The following LDLRAD4 variants were observed in gnomAD, a reference collection of about 807,000 sequenced individuals.
The protein encoded by LDLRAD4 is low-density lipoprotein receptor class A domain-containing protein 4.
LDLRAD4 carries 5 observed loss-of-function variants against 17.0 expected under a neutral mutation model. The ratio of observed to expected loss-of-function variants is 0.29; its 90% CI spans 0.15 to 0.62. The LOEUF (loss-of-function observed/expected upper bound fraction) is 0.62, where lower values mean the gene tolerates loss of function less well. LDLRAD4 is among the 20% of genes least tolerant of loss of function. The pLI, the probability that LDLRAD4 is intolerant of heterozygous loss-of-function variation, is 0.84. For missense variants in LDLRAD4, 340 were observed against 424.7 expected, an observed-to-expected ratio of 0.80 and a Z score of 1.75; for synonymous variants, 168 against 171.8, an observed-to-expected ratio of 0.98 and a Z score of 0.17.
intron 3 of LDLRAD4, among the ~76,000 whole-genome samples, chr18:13,478,993 C>A (rs1430383921): frequency 6.6e-6 from 1 of 152,104 alleles, no homozygotes; most frequent in Non-Finnish European, 1.5e-5. Flanking sequence ...TGAATCTTGA[C>A]AAAGAAGTAA....
chr18:13,333,716 T>G (rs1456263385), intron 1 of LDLRAD4, among the ~76,000 whole-genome samples: 1 of 152,232 alleles, frequency 6.6e-6, no homozygotes. Context: ...ATTGACTATT[T>G]TTATATCAGT....
Position 13,652,175 on chromosome 18 carries a change from A to G in LDLRAD4, c.*6518A>G, listed in dbSNP as rs548098588. 2.0e-5 allele frequency: 3 copies of G among 152,318 alleles called. No homozygotes were observed. In the East Asian group the frequency reaches 5.8e-4, roughly 29 times the overall value. 9.4% of individuals were successfully genotyped at this position (152,318 alleles called of 1,614,324 possible). On this transcript the variant is annotated 3_prime_UTR_variant, in exon 6 of 6. Transcript: ENST00000359446. Reference sequence around the variant, plus strand: ...ACTGTTGAGCATGAGAATGTTCTAGACTCAGAGGTACTAAAATTTGTTACC... The same window carrying G: ...ACTGTTGAGCATGAGAATGTTCTAGGCTCAGAGGTACTAAAATTTGTTACC...
At chr18:13,396,348 A>G (rs944672708) in intron 2 of LDLRAD4, among the ~76,000 whole-genome samples, 16 of 152,260 alleles carry the variant, frequency 1.1e-4, no homozygotes, top group African/African-American at 3.9e-4. Flanking sequence ...CAAGTCCCTG[A>G]TATAAAATGA....
At chr18:13,413,861 T>G (rs1371808355) in intron 2 of LDLRAD4, among the ~76,000 whole-genome samples, 2 of 151,124 alleles carry the variant, frequency 1.3e-5, no homozygotes, top group Non-Finnish European at 2.9e-5. Context: ...AGCCCAGGAG[T>G]AGGAGTGCAG....
intron 3 of LDLRAD4, among the ~76,000 whole-genome samples, chr18:13,517,455 G>A (rs2093884510): frequency 6.6e-6 from 1 of 152,182 alleles, no homozygotes; most frequent in African/African-American, 2.4e-5. Context: ...GAGCTTCCTG[G>A]TTGCCCATGG....
At chr18:13,294,264 G>C (rs59204123) in intron 1 of LDLRAD4, among the ~76,000 whole-genome samples, 3 of 152,366 alleles carry the variant, frequency 2.0e-5, no homozygotes, top group East Asian at 3.9e-4. Flanking sequence ...TGAAAGGGCT[G>C]AAGGTGGTCC....
chr18:13,589,052 C>T (rs971126849), intron 3 of LDLRAD4, among the ~76,000 whole-genome samples: 5 of 151,864 alleles, frequency 3.3e-5, no homozygotes, highest in Non-Finnish European at 7.4e-5. Flanking sequence ...CCTCAGCCTC[C>T]CGAGTAGCTG....
intron 1 of LDLRAD4, among the ~76,000 whole-genome samples, chr18:13,322,544 C>T (rs1223322431): frequency 1.3e-5 from 2 of 152,104 alleles, no homozygotes; most frequent in African/African-American, 4.8e-5. Context: ...AGGTGATCCA[C>T]CTGCCTCAGC....
chr18:13,361,245 G>A (rs2083650303), intron 1 of LDLRAD4, among the ~76,000 whole-genome samples: 1 of 152,008 alleles, frequency 6.6e-6, no homozygotes, highest in South Asian at 2.1e-4. Flanking sequence ...CTAATTTTTT[G>A]TTTTTGTATT....
chr18:13,555,083 T>C (rs1256201043), intron 3 of LDLRAD4, among the ~76,000 whole-genome samples: 4 of 152,162 alleles, frequency 2.6e-5, no homozygotes, highest in African/African-American at 9.7e-5. Context: ...TACCTGATTG[T>C]TATTCCTCAA....
chr18:13,333,661 ACT>A (rs1328733512), intron 1 of LDLRAD4, among the ~76,000 whole-genome samples: 1 of 152,210 alleles, frequency 6.6e-6, no homozygotes, highest in East Asian at 1.9e-4. Context: ...TGTTGAAAAT[ACT>A]GTCTGCTCCA....
At chr18:13,240,509 G>A (rs1158912853) in intron 1 of LDLRAD4, 1 of 152,320 alleles carries the variant, frequency 6.6e-6, no homozygotes, top group Non-Finnish European at 1.5e-5. Context: ...GTCAGCACCT[G>A]GGCTAGAGGT....
chr18:13,553,110 A>G (rs1284413), intron 3 of LDLRAD4, among the ~76,000 whole-genome samples: 98,462 of 152,100 alleles, frequency 0.65, 32,058 homozygotes, highest in Middle Eastern at 0.72. Context: ...ATGTACAGAC[A>G]TGGAACAGAG....
At chr18:13,323,783 T>C (rs2031236241) in intron 1 of LDLRAD4, among the ~76,000 whole-genome samples, 1 of 152,170 alleles carries the variant, frequency 6.6e-6, no homozygotes, top group South Asian at 2.1e-4. Context: ...GGTGAACATT[T>C]GTAATAAAGA....
intron 1 of LDLRAD4, among the ~76,000 whole-genome samples, chr18:13,223,767 C>G (rs2041596882): frequency 6.6e-6 from 1 of 152,218 alleles, no homozygotes; most frequent in Admixed American, 6.5e-5. Flanking sequence ...TACACTGATT[C>G]ACTAATCTAA....
chr18:13,464,473 CT>C (rs781515482), intron 3 of LDLRAD4, among the ~76,000 whole-genome samples: 1 of 152,200 alleles, frequency 6.6e-6, no homozygotes, highest in African/African-American at 2.4e-5. Context: ...CATTTAGATA[CT>C]TGGGTTTTTC....
rs1165891246 is a variant in LDLRAD4 at position 13,533,885 on chromosome 18, G to C, written c.182-87232G>C. Reference sequence around the variant, plus strand: ...GGAGACTTGCCCAGCTCTCCTACTTGACAAAAGGTGAAATAGAATGATGCC... The same window carrying C: ...GGAGACTTGCCCAGCTCTCCTACTTCACAAAAGGTGAAATAGAATGATGCC... On this transcript the variant is annotated intron_variant, in intron 3 of 5. Coordinates refer to ENST00000359446, the Ensembl canonical transcript of LDLRAD4. Among the ~76,000 whole-genome samples the C allele has an allele frequency of 5.9e-5, 9 of 152,110 alleles. No individual in the cohort carries two copies. The South Asian group carries it at 1.9e-3, about 32-fold the overall frequency.
intron 1 of LDLRAD4, among the ~76,000 whole-genome samples, chr18:13,234,150 C>G (rs2042219568): frequency 6.6e-6 from 1 of 152,210 alleles, no homozygotes; most frequent in Non-Finnish European, 1.5e-5. Context: ...GTGCTGTCCT[C>G]CCCACCCGCG....
At chr18:13,554,465 AT>A (rs1339976001) in intron 3 of LDLRAD4, among the ~76,000 whole-genome samples, 11 of 151,606 alleles carry the variant, frequency 7.3e-5, no homozygotes, top group East Asian at 1.9e-4. Flanking sequence ...TTCTGTTAAT[AT>A]TTTTTTTCAC....
Sources: gnomAD v4.1 joint callset for allele counts (sites outside exome capture counted in the v4.1 genomes callset) on GRCh38, gnomAD v4.1.1 for gene constraint, MANE v1.5 for transcripts, NCBI Gene and HGNC (gene_info 2026-07-23, HGNC 2026-07-21) for gene names.